ATG10: variants seen among roughly 807,000 people sequenced by gnomAD.
ATG10 encodes ubiquitin-like-conjugating enzyme ATG10.
ATG10 carries 30 observed loss-of-function variants against 32.1 expected under a neutral mutation model. The observed-to-expected ratio is 0.94, with a 90% CI of 0.70 to 1.27. ATG10 has a LOEUF of 1.27. Ranked by LOEUF, ATG10 falls within the 50% of genes most tolerant of loss-of-function variation. ATG10 has a pLI of 0.00. For missense variants in ATG10, 233 were observed against 262.3 expected (o/e 0.89, Z 0.77); for synonymous variants, 87 against 91.5 (o/e 0.95, Z 0.28).
intron 3 of ATG10, among the ~76,000 whole-genome samples, chr5:82,058,885 T>G (rs1355163578): frequency 1.3e-5 from 2 of 152,132 alleles, no homozygotes; most frequent in African/African-American, 4.8e-5. Flanking sequence ...GTGGTAAAGT[T>G]ATATAAGATC....
intron 3 of ATG10, 89 bp downstream of exon 3, chr5:82,058,691 C>T (rs756894714): frequency 1.3e-6 from 1 of 758,392 alleles, no homozygotes; most frequent in Non-Finnish European, 2.2e-6. Flanking sequence ...CGCATTCCAT[C>T]CTATGGAAGC....
intron 3 of ATG10, among the ~76,000 whole-genome samples, chr5:82,139,132 G>C (rs1470479527): frequency 6.9e-6 from 1 of 145,090 alleles, no homozygotes; most frequent in Non-Finnish European, 1.5e-5. Flanking sequence ...ACGGAGTCTC[G>C]TTCACTCAGT....
intron 2 of ATG10, among the ~76,000 whole-genome samples, chr5:82,015,321 C>T (rs915526564): frequency 6.6e-6 from 1 of 152,098 alleles, no homozygotes; most frequent in African/African-American, 2.4e-5. Context: ...TTGCTCTTCT[C>T]GAGGAGTATC....
At chr5:82,173,730 G>A (rs576995238) in intron 4 of ATG10, among the ~76,000 whole-genome samples, 1 of 152,260 alleles carries the variant, frequency 6.6e-6, no homozygotes, top group African/African-American at 2.4e-5. Context: ...TGAGTATCTT[G>A]GATCTGAAAC....
intron 1 of ATG10, among the ~76,000 whole-genome samples, chr5:81,983,208 C>T (rs1392425907): frequency 8.2e-4 from 120 of 146,390 alleles, no homozygotes; most frequent in Non-Finnish European, 1.1e-3. Context: ...CCCTCCCGGA[C>T]GGGGCGACTG....
At chr5:82,135,291 T>C (rs949617488) in intron 3 of ATG10, among the ~76,000 whole-genome samples, 2 of 152,186 alleles carry the variant, frequency 1.3e-5, no homozygotes, top group Admixed American at 6.5e-5. Context: ...TTCTCTTGCT[T>C]CTCTAGTTCT....
intron 3 of ATG10, among the ~76,000 whole-genome samples, chr5:82,137,613 G>C (rs1176353871): frequency 6.6e-6 from 1 of 152,188 alleles, no homozygotes; most frequent in Admixed American, 6.5e-5. Flanking sequence ...CCACCTGTCA[G>C]ATGCCAGCCA....
rs140949596 is a variant in ATG10, at chr5:82,023,007, AAT to A, written c.108+35344_108+35345del. On this transcript the variant is annotated intron_variant, in intron 2 of 7. Transcript: ENST00000282185. ...AATATGTATATATACACACACATAA[AAT>A]ATATATATATATATGTATGTATATA... Among the ~76,000 whole-genome samples the A allele has an allele frequency of 2.8e-3, 407 of 147,960 alleles. 7 individuals are homozygous for A. The East Asian group carries it at 0.057, about 21-fold the overall frequency.
rs535831578 is a variant in ATG10 at position 82,210,408 on chromosome 5, T to A, written c.453+31821T>A. Among the ~76,000 whole-genome samples the A allele has an allele frequency of 2.2e-4, 33 of 152,276 alleles. No individual in the cohort carries two copies. The South Asian group carries it at 6.6e-3, about 31-fold the overall frequency. On this transcript the variant is annotated intron_variant, in intron 5 of 7. Transcript: ENST00000282185. ...TTCAGTCCCTATGAGAGCTGATCTG[T>A]TTCCAATACCCTTACTTTTGAAGTG...
At chr5:82,048,217 A>G (rs1156980935) in intron 2 of ATG10, among the ~76,000 whole-genome samples, 1 of 133,956 alleles carries the variant, frequency 7.5e-6, no homozygotes, top group East Asian at 2.1e-4. Context: ...TTTTGGTTCC[A>G]TATGAACTTT....
chr5:82,226,690 T>C (rs972616670), intron 5 of ATG10, among the ~76,000 whole-genome samples: 1 of 152,224 alleles, frequency 6.6e-6, no homozygotes, highest in African/African-American at 2.4e-5. Context: ...GCTTCTCTTA[T>C]AGCAACTTCA....
chr5:81,981,078 T>C (rs1390054321), intron 1 of ATG10, among the ~76,000 whole-genome samples: 3 of 152,202 alleles, frequency 2.0e-5, no homozygotes, highest in African/African-American at 7.2e-5. Flanking sequence ...CATCTGTTGT[T>C]AGGACTGATA....
At chr5:82,139,992 C>T (rs1373968535) in intron 3 of ATG10, among the ~76,000 whole-genome samples, 1 of 127,924 alleles carries the variant, frequency 7.8e-6, no homozygotes, top group Non-Finnish European at 1.7e-5. Context: ...GTGAGGGGCG[C>T]CTCTGCCCGG....
intron 3 of ATG10, among the ~76,000 whole-genome samples, chr5:82,118,417 T>TATATA (rs1472778722): frequency 5.0e-5 from 7 of 141,168 alleles, no homozygotes; most frequent in Non-Finnish European, 7.7e-5. Flanking sequence ...TATGTATATA[T>TATATA]TCCCTAGCAC....
chr5:82,074,888 A>G (rs1452067634), intron 3 of ATG10, among the ~76,000 whole-genome samples: 3 of 152,208 alleles, frequency 2.0e-5, no homozygotes, highest in East Asian at 1.9e-4. Flanking sequence ...TTTCTCTGCC[A>G]GAAAGCTCAT....
At chr5:82,036,465 G>C (rs1762926054) in intron 2 of ATG10, among the ~76,000 whole-genome samples, 1 of 151,984 alleles carries the variant, frequency 6.6e-6, no homozygotes, top group South Asian at 2.1e-4. Context: ...ATAGTGGCAG[G>C]CACCTGTAAT....
At chr5:82,196,590 CT>C (rs1744859959) in intron 5 of ATG10, among the ~76,000 whole-genome samples, 1 of 152,110 alleles carries the variant, frequency 6.6e-6, no homozygotes, top group South Asian at 2.1e-4. Flanking sequence ...CAAATTCATT[CT>C]TTTGCATGTA....
intron 2 of ATG10, among the ~76,000 whole-genome samples, chr5:81,994,932 A>C (rs1210255152): frequency 6.6e-6 from 1 of 152,236 alleles, no homozygotes; most frequent in East Asian, 1.9e-4. Flanking sequence ...ATCAAGACTG[A>C]CATTGCATAA....
At chr5:82,231,028 G>A (rs75804630) in intron 5 of ATG10, among the ~76,000 whole-genome samples, 7,019 of 152,246 alleles carry the variant, frequency 0.046, 190 homozygotes, top group African/African-American at 0.073. Context: ...AGTCTGAAGC[G>A]TTCATGAACT....
Sources: allele counts gnomAD v4.1 joint callset (sites outside exome capture counted in the v4.1 genomes callset), GRCh38; gene constraint gnomAD v4.1.1; transcripts MANE v1.5; gene names NCBI Gene and HGNC (gene_info 2026-07-23, HGNC 2026-07-21).